Variants in KIF16B observed in about 807,000 individuals in gnomAD.
KIF16B encodes kinesin-like protein KIF16B.
Under a neutral mutation model 156.3 loss-of-function variants are expected in KIF16B, and 98 were observed. That is an observed-to-expected ratio of 0.63 (90% CI 0.53 to 0.74). The LOEUF (loss-of-function observed/expected upper bound fraction) is 0.74, where lower values mean the gene tolerates loss of function less well. Ranked by LOEUF, KIF16B falls within the 30% of genes least tolerant of loss-of-function variation. KIF16B has a pLI of 0.00. For synonymous variants in KIF16B, 564 were observed against 583.7 expected (o/e 0.97, Z 0.49); for missense variants, 1,421 against 1,606.5 (o/e 0.88, Z 1.97).
In KIF16B at chr20:16,275,484, T is replaced by C. The variant is rs2063047302; in HGVS notation, c.3796-2073A>G. Among the ~76,000 whole-genome samples, 3 of 152,354 alleles carry C rather than the reference T, an allele frequency of 2.0e-5. No homozygotes were observed. The South Asian group carries it at 6.2e-4, about 32-fold the overall frequency. On this transcript the variant is annotated intron_variant, in intron 25 of 25. Transcript: ENST00000354981. ...TAAGGCACCTAACTTTATGTTATCC[T>C]TACACTTGGCCTGGAATCACATCTT...
At chr20:16,389,417 C>A (rs1012840350) in intron 17 of KIF16B, among the ~76,000 whole-genome samples, 1 of 152,182 alleles carries the variant, frequency 6.6e-6, no homozygotes, top group African/African-American at 2.4e-5. Context: ...CTGGAATGCT[C>A]GGTAGTATTC....
intron 12 of KIF16B, among the ~76,000 whole-genome samples, chr20:16,467,492 A>AT (rs943771186): frequency 1.4e-3 from 211 of 152,312 alleles, no homozygotes; most frequent in African/African-American, 4.9e-3. Context: ...AACCAGGGAA[A>AT]TTTTTTAAAC....
rs138558128 is a variant in KIF16B at position 16,548,506 on chromosome 20, C to T, written c.48-20066G>A. On this transcript the variant is annotated intron_variant, in intron 1 of 25. Coordinates refer to ENST00000354981, the MANE Select transcript of KIF16B (RefSeq NM_024704.5). Reference sequence around the variant, plus strand: ...TTACTGCCTGAGCTCCGCCTCCTGTCATATCAGCAGCATTACATTCTCATA... The same window carrying T: ...TTACTGCCTGAGCTCCGCCTCCTGTTATATCAGCAGCATTACATTCTCATA... Among the ~76,000 whole-genome samples the T allele has an allele frequency of 7.7e-4, 118 of 152,354 alleles. 1 individual carries two copies. Among genetic ancestry groups the T allele is most frequent in the African/African-American group, 2.7e-3 (114 of 41,584 alleles).
chr20:16,537,746 T>C (rs6044090), intron 1 of KIF16B, among the ~76,000 whole-genome samples: 74,785 of 140,816 alleles, frequency 0.53, 19,958 homozygotes, highest in Admixed American at 0.56. Context: ...GCTCCGTCAC[T>C]GGGCTAAAGT....
At chr20:16,507,855 CCTG>C in intron 7 of KIF16B, 100 bp downstream of exon 7, 1 of 1,250,148 alleles carries the variant, frequency 8.0e-7, no homozygotes, top group Non-Finnish European at 1.1e-6. Flanking sequence ...GTCACCTTTA[CCTG>C]CTGCTGCTCC....
chr20:16,503,958 C>T (rs1159150032), intron 10 of KIF16B, among the ~76,000 whole-genome samples: 1 of 152,204 alleles, frequency 6.6e-6, no homozygotes, highest in African/African-American at 2.4e-5. Context: ...TGATATGACA[C>T]AGGCATTCAG....
chr20:16,518,142 C>CA (rs752657377), intron 3 of KIF16B, among the ~76,000 whole-genome samples: 1 of 152,142 alleles, frequency 6.6e-6, no homozygotes, highest in East Asian at 1.9e-4. Context: ...GGCTCAGACT[C>CA]AGACTCATTC....
chr20:16,381,774 A>C, intron 17 of KIF16B, 27 bp from the exon 18 acceptor site: 1 of 1,582,546 alleles, frequency 6.3e-7, no homozygotes. Context: ...AAAATGAGTC[A>C]CTTTTCTAAA....
chr20:16,523,927 G>T (rs943592150), intron 3 of KIF16B, among the ~76,000 whole-genome samples: 1 of 152,160 alleles, frequency 6.6e-6, no homozygotes, highest in Non-Finnish European at 1.5e-5. Flanking sequence ...AATGGGGAAA[G>T]GATTCCCTAT....
At chr20:16,562,202 G>C (rs1428010835) in intron 1 of KIF16B, among the ~76,000 whole-genome samples, 1 of 152,094 alleles carries the variant, frequency 6.6e-6, no homozygotes, top group Non-Finnish European at 1.5e-5. Flanking sequence ...AGAGTATTCT[G>C]CCCTATAAAC....
chr20:16,494,394 T>A, intron 11 of KIF16B, 44 bp from the exon 12 acceptor site: 2 of 1,301,242 alleles, frequency 1.5e-6, no homozygotes, highest in Non-Finnish European at 2.2e-6. Context: ...ATAAAGAAAG[T>A]TTATAATTTT....
At chr20:16,351,780 G>C (rs1441315636) in intron 23 of KIF16B, among the ~76,000 whole-genome samples, 1 of 152,204 alleles carries the variant, frequency 6.6e-6, no homozygotes, top group Non-Finnish European at 1.5e-5. Flanking sequence ...CTCTGACCCA[G>C]GGTCTCCTGG....
At chr20:16,528,517 T>C (rs2069633279) in intron 1 of KIF16B, 77 bp from the exon 2 acceptor site, 1 of 1,095,932 alleles carries the variant, frequency 9.1e-7, no homozygotes, top group Admixed American at 1.8e-5. Flanking sequence ...CCCATTTGTT[T>C]TATTTACTTT....
chr20:16,531,834 C>T (rs1282520326), intron 1 of KIF16B, among the ~76,000 whole-genome samples: 5 of 151,938 alleles, frequency 3.3e-5, no homozygotes, highest in Non-Finnish European at 5.9e-5. Context: ...TTTGGGAGGC[C>T]GAGGCAAGTG....
At chr20:16,559,922 C>T (rs2070997551) in intron 1 of KIF16B, among the ~76,000 whole-genome samples, 1 of 152,058 alleles carries the variant, frequency 6.6e-6, no homozygotes, top group Non-Finnish European at 1.5e-5. Context: ...AATGATACAA[C>T]ATTCAAATAA....
At chr20:16,421,383 C>A (rs1390452676) in intron 15 of KIF16B, among the ~76,000 whole-genome samples, 3 of 152,104 alleles carry the variant, frequency 2.0e-5, no homozygotes, top group South Asian at 4.1e-4. Flanking sequence ...CCTGATATAA[C>A]CCCCTCCTTC....
Position 16,368,794 on chromosome 20 carries a change from C to T in KIF16B, c.3498+1792G>A, listed in dbSNP as rs545111079. ...AACCAAGCAGAGCACCTTGCCTTGC[C>T]TGGCCTGCTTGCCTCCGCTATTTAT... On this transcript the variant is annotated intron_variant, in intron 22 of 25. Coordinates refer to ENST00000354981, the MANE Select transcript of KIF16B (RefSeq NM_024704.5). 17 of 985,852 alleles carry T rather than the reference C, an allele frequency of 1.7e-5. No homozygotes were observed. The African/African-American group carries it at 2.3e-4, about 13-fold the overall frequency. The allele number at this position is 985,852 out of a possible 1,614,324, so 61.1% of individuals were successfully genotyped here.
rs191092201 is a variant in KIF16B, at chr20:16,336,103, A to G, written c.3622-88T>C. Reference sequence around the variant, plus strand: ...AAAGAATTTAAAAATTAAATTTAAAAAAAGTGATTAGCATGTAAAATTTCT... The same window carrying G: ...AAAGAATTTAAAAATTAAATTTAAAGAAAGTGATTAGCATGTAAAATTTCT... On this transcript the variant is annotated intron_variant, in intron 23 of 25. Transcript: ENST00000354981. The G allele has an allele frequency of 9.3e-5, 70 of 755,020 alleles. No homozygotes were observed. In the African/African-American group the frequency reaches 9.4e-4, roughly 10 times the overall value. The allele number at this position is 755,020 out of a possible 1,614,324, so 46.8% of individuals were successfully genotyped here.
intron 18 of KIF16B, 148 bp from the exon 19 acceptor site, chr20:16,380,311 T>A (rs2065064733): frequency 1.5e-6 from 1 of 666,198 alleles, no homozygotes; most frequent in African/African-American, 1.9e-5. Flanking sequence ...TCCTTTAAAT[T>A]TCCAGCAGCA....
Sources: allele counts gnomAD v4.1 joint callset (sites outside exome capture counted in the v4.1 genomes callset), GRCh38; gene constraint gnomAD v4.1.1; transcripts MANE v1.5; gene names NCBI Gene and HGNC (gene_info 2026-07-23, HGNC 2026-07-21).